Variants in KLHL1 observed in about 807,000 individuals in gnomAD.
KLHL1 encodes kelch-like protein 1.
A neutral mutation model predicts 77.7 loss-of-function variants in KLHL1; 47 were observed. The observed-to-expected ratio is 0.60, with a 90% confidence interval of 0.48 to 0.77. The LOEUF (loss-of-function observed/expected upper bound fraction) is 0.77, where lower values mean the gene tolerates loss of function less well. KLHL1 is among the 30% of genes least tolerant of loss of function. KLHL1 has a pLI of 0.00. For synonymous variants in KLHL1, 360 were observed against 325.2 expected (o/e 1.11, Z -1.15); for missense variants, 925 against 910.8 (o/e 1.02, Z -0.20).
At chr13:70,046,048 G>A (rs1260558932) in intron 1 of KLHL1, among the ~76,000 whole-genome samples, 1 of 152,078 alleles carries the variant, frequency 6.6e-6, no homozygotes, top group African/African-American at 2.4e-5. Context: ...AATGCGAAGT[G>A]GACATCATGT....
At chr13:69,865,106 T>C (rs923443988) in intron 5 of KLHL1, among the ~76,000 whole-genome samples, 1 of 151,956 alleles carries the variant, frequency 6.6e-6, no homozygotes, top group Non-Finnish European at 1.5e-5. Context: ...ATGTATATTG[T>C]TTAATATTTT....
chr13:69,897,012 G>A (rs564209805), intron 4 of KLHL1, among the ~76,000 whole-genome samples: 1 of 152,132 alleles, frequency 6.6e-6, no homozygotes, highest in South Asian at 2.1e-4. Flanking sequence ...TGAAGATATG[G>A]AGAAGACAAA....
chr13:69,987,663 A>G (rs2137308291), intron 1 of KLHL1, among the ~76,000 whole-genome samples: 1 of 152,166 alleles, frequency 6.6e-6, no homozygotes, highest in East Asian at 1.9e-4. Flanking sequence ...TTACCTAATG[A>G]TAACAACTGT....
chr13:69,841,864 G>T (rs1012524887), intron 5 of KLHL1, among the ~76,000 whole-genome samples: 1 of 151,774 alleles, frequency 6.6e-6, no homozygotes, highest in Non-Finnish European at 1.5e-5. Context: ...GAACAGAATA[G>T]AGAGGCCAGA....
intron 4 of KLHL1, among the ~76,000 whole-genome samples, chr13:69,892,007 A>C (rs565040475): frequency 1.3e-5 from 2 of 152,120 alleles, no homozygotes; most frequent in African/African-American, 2.4e-5. Flanking sequence ...TGCAAAGTTT[A>C]AACATGCATG....
At chr13:69,915,959 C>A (rs908825864) in intron 4 of KLHL1, among the ~76,000 whole-genome samples, 10 of 152,022 alleles carry the variant, frequency 6.6e-5, no homozygotes, top group Non-Finnish European at 1.3e-4. Flanking sequence ...TTCTCGAAGA[C>A]ATTTATGCAG....
chr13:69,954,415 A>G (rs901270997), intron 3 of KLHL1, among the ~76,000 whole-genome samples: 1 of 151,398 alleles, frequency 6.6e-6, no homozygotes, highest in Non-Finnish European at 1.5e-5. Flanking sequence ...ATTCAATTCA[A>G]TGATTCAATT....
At chr13:70,107,149 T>C in intron 1 of KLHL1, 54 bp downstream of exon 1, 1 of 1,531,468 alleles carries the variant, frequency 6.5e-7, no homozygotes, top group African/African-American at 1.4e-5. Context: ...GCACACGCGG[T>C]GAAATGAGTG....
rs143362104 is a variant in KLHL1, at chr13:69,828,922, G to A, written c.1414+10054C>T. ...CAAGCCCTGCCCAAGGAGAGTCTGA[G>A]CTCAGATATGCCTAACCCTGCACCC... On this transcript the variant is annotated intron_variant, in intron 6 of 10. Transcript: ENST00000377844. 6.5e-3 allele frequency among the ~76,000 whole-genome samples: 982 copies of A among 150,312 alleles called. 51 individuals are homozygous for A. Among genetic ancestry groups the A allele is most frequent in the Non-Finnish European group, 8.8e-3 (595 of 67,802 alleles).
chr13:69,869,934 T>C (rs770397912), intron 5 of KLHL1, among the ~76,000 whole-genome samples: 16 of 152,198 alleles, frequency 1.1e-4, no homozygotes, highest in Non-Finnish European at 1.5e-4. Context: ...AAGGAAACTA[T>C]AGCATACAAG....
intron 7 of KLHL1, among the ~76,000 whole-genome samples, chr13:69,772,735 A>T (rs1164918166): frequency 1.3e-5 from 2 of 152,176 alleles, no homozygotes; most frequent in Non-Finnish European, 2.9e-5. Flanking sequence ...AGCTGTTTTT[A>T]GTTGTTTCTG....
chr13:69,847,516 T>G (rs1879517867), intron 5 of KLHL1, among the ~76,000 whole-genome samples: 3 of 151,144 alleles, frequency 2.0e-5, no homozygotes, highest in African/African-American at 7.3e-5. Context: ...CACTGCAAAA[T>G]GGAAGGCAAT....
chr13:69,822,258 C>A (rs1489310109), intron 6 of KLHL1, among the ~76,000 whole-genome samples: 1 of 150,750 alleles, frequency 6.6e-6, no homozygotes, highest in African/African-American at 2.4e-5. Flanking sequence ...TGAATATTGG[C>A]AGCAGATTTA....
At chr13:69,775,490 A>T (rs1875780520) in intron 7 of KLHL1, among the ~76,000 whole-genome samples, 1 of 152,166 alleles carries the variant, frequency 6.6e-6, no homozygotes, top group South Asian at 2.1e-4. Flanking sequence ...TATATATGAC[A>T]ATTGTTTAAG....
At chr13:69,714,903 C>A (rs540324120) in intron 9 of KLHL1, among the ~76,000 whole-genome samples, 1 of 152,238 alleles carries the variant, frequency 6.6e-6, no homozygotes, top group South Asian at 2.1e-4. Context: ...CGATATCCTT[C>A]TATCTATATA....
chr13:69,924,881 G>A (rs758325462), intron 4 of KLHL1, among the ~76,000 whole-genome samples: 3 of 152,140 alleles, frequency 2.0e-5, no homozygotes, highest in East Asian at 1.9e-4. Flanking sequence ...TTTGTGGGAC[G>A]CCTGGTCCAG....
chr13:70,014,739 T>C (rs1473566551), intron 1 of KLHL1, among the ~76,000 whole-genome samples: 1 of 152,132 alleles, frequency 6.6e-6, no homozygotes, highest in Non-Finnish European at 1.5e-5. Context: ...GAGATAATGT[T>C]AGTGGCTTAT....
intron 1 of KLHL1, among the ~76,000 whole-genome samples, chr13:70,055,571 T>G (rs560164862): frequency 5.1e-4 from 77 of 151,934 alleles, no homozygotes; most frequent in African/African-American, 1.8e-3. Context: ...GTAGAAAGAG[T>G]AAAAGACAAA....
chr13:69,823,142 A>G (rs1878405727), intron 6 of KLHL1, among the ~76,000 whole-genome samples: 1 of 152,110 alleles, frequency 6.6e-6, no homozygotes, highest in South Asian at 2.1e-4. Flanking sequence ...ATTTCAAAGT[A>G]AGGCTGCATC....
Sources: gnomAD v4.1 joint callset for allele counts (sites outside exome capture counted in the v4.1 genomes callset) on GRCh38, gnomAD v4.1.1 for gene constraint, MANE v1.5 for transcripts, NCBI Gene and HGNC (gene_info 2026-07-23, HGNC 2026-07-21) for gene names.